Variants in EPM2A observed in about 807,000 individuals in gnomAD.
EPM2A encodes the protein laforin.
Under a neutral mutation model 26.5 loss-of-function variants are expected in EPM2A, and 21 were observed. That is an observed-to-expected ratio of 0.79 (90% CI 0.56 to 1.14). EPM2A has a LOEUF of 1.14. Among genes scored for constraint, EPM2A ranks in the 50% most tolerant of loss-of-function variants. The probability of loss-of-function intolerance (pLI) is 0.00; values close to 1 mark genes in which losing one functional copy is unlikely to be tolerated. For synonymous variants in EPM2A, 217 were observed against 177.6 expected (o/e 1.22, Z -1.76); for missense variants, 458 against 440.8 (o/e 1.04, Z -0.35).
intron 4 of EPM2A, among the ~76,000 whole-genome samples, chr6:145,444,353 T>C (rs1779104861): frequency 6.6e-6 from 1 of 152,252 alleles, no homozygotes; most frequent in Non-Finnish European, 1.5e-5. Context: ...ATTGAGATAA[T>C]CAGGTGGTTT....
intron 2 of EPM2A, among the ~76,000 whole-genome samples, chr6:145,656,664 T>A (rs1321074276): frequency 6.6e-6 from 1 of 152,212 alleles, no homozygotes. Flanking sequence ...GATGACATGA[T>A]GTCAACATCA....
At chr6:145,677,350 G>A (rs955464649) in intron 2 of EPM2A, among the ~76,000 whole-genome samples, 1 of 152,156 alleles carries the variant, frequency 6.6e-6, no homozygotes, top group African/African-American at 2.4e-5. Context: ...AAAATTGGAA[G>A]CATTCCTTTT....
intron 2 of EPM2A, chr6:145,639,516 C>T (rs1158687114): frequency 6.6e-6 from 1 of 152,104 alleles, no homozygotes; most frequent in Admixed American, 6.5e-5. Context: ...CCAGAACCAC[C>T]ACCTTGGACC....
chr6:145,625,689 G>C lies in EPM2A; in HGVS notation c.*1727C>G. 1.3e-6 allele frequency: 1 copy of C among 775,972 alleles called. No homozygotes were observed. The highest frequency in any genetic ancestry group is 2.4e-6 in the Non-Finnish European group (1 of 421,148). 48.1% of individuals were successfully genotyped at this position (775,972 alleles called of 1,614,324 possible). ...AATGCTAGCTTATAAATTTAACTTT[G>C]TAAAATTATAGTGGAAATGTGTCCT... On this transcript the variant is annotated 3_prime_UTR_variant, in exon 4 of 4. Coordinates refer to ENST00000367519, the MANE Select transcript of EPM2A (RefSeq NM_005670.4).
chr6:145,497,526 GGATCCACTTAAGGAAGTGAT>G (rs1779837023), downstream of EPM2A, among the ~76,000 whole-genome samples: 1 of 151,976 alleles, frequency 6.6e-6, no homozygotes, highest in African/African-American at 2.4e-5. Context: ...ATGGGATCAG[GGATCCACTTAAGGAAGTGAT>G]CTAGCCATGC....
In EPM2A at chr6:145,404,629, C is replaced by A. The variant is rs180699098; in HGVS notation, c.556-20532G>T. 2.6e-5 allele frequency among the ~76,000 whole-genome samples: 4 copies of A among 152,208 alleles called. No homozygotes were observed. The East Asian group carries it at 7.7e-4, about 29-fold the overall frequency. Reference sequence around the variant, plus strand: ...CTTCAGTAAATTTCTTTTAAATTAACACCAAAGCTTCCTATTTTCTGATTC... The same window carrying A: ...CTTCAGTAAATTTCTTTTAAATTAAAACCAAAGCTTCCTATTTTCTGATTC... On this transcript the variant is annotated intron_variant, in intron 4 of 4. Transcript: ENST00000638717.
At chr6:145,663,457 G>A (rs1343862370) in intron 2 of EPM2A, among the ~76,000 whole-genome samples, 4 of 152,222 alleles carry the variant, frequency 2.6e-5, no homozygotes, top group Non-Finnish European at 4.4e-5. Context: ...GAAGCGCAAG[G>A]GGTCAGGGAG....
In EPM2A at chr6:145,428,442, G is replaced by A. The variant is rs372791940; in HGVS notation, c.556-44345C>T. 5.3e-5 allele frequency among the ~76,000 whole-genome samples: 8 copies of A among 152,190 alleles called. No homozygotes were observed. In the East Asian group the frequency reaches 7.7e-4, roughly 15 times the overall value. Reference sequence around the variant, plus strand: ...GCTGAACCACTCCTTCCCAACGAGCGGTTAATCTATTGTTTTGAACAGCAT... The same window carrying A: ...GCTGAACCACTCCTTCCCAACGAGCAGTTAATCTATTGTTTTGAACAGCAT... On this transcript the variant is annotated intron_variant, in intron 4 of 4. Coordinates refer to the EPM2A transcript ENST00000638717.
At chr6:145,568,984 G>A (rs1303679898) in intron 2 of EPM2A, among the ~76,000 whole-genome samples, 3 of 152,148 alleles carry the variant, frequency 2.0e-5, no homozygotes, top group African/African-American at 7.2e-5. Flanking sequence ...CCAACACAAT[G>A]GAATTGAAAG....
intron 2 of EPM2A, among the ~76,000 whole-genome samples, chr6:145,605,525 C>T (rs55814547): frequency 0.067 from 10,195 of 152,072 alleles, 1,149 homozygotes; most frequent in African/African-American, 0.23. Context: ...GACATTCAAT[C>T]GCAGGAAAAT....
chr6:145,461,256 T>C (rs1779326196), intron 4 of EPM2A, among the ~76,000 whole-genome samples: 1 of 152,182 alleles, frequency 6.6e-6, no homozygotes, highest in Admixed American at 6.6e-5. Context: ...GAAGCCTTAG[T>C]CACTTGAACT....
chr6:145,719,646 C>T (rs1439809044), intron 1 of EPM2A, among the ~76,000 whole-genome samples: 1 of 151,868 alleles, frequency 6.6e-6, no homozygotes, highest in South Asian at 2.1e-4. Context: ...TAAATAAAAA[C>T]ATTGCATATA....
chr6:145,509,679 G>T (rs1403871927), intron 2 of EPM2A, among the ~76,000 whole-genome samples: 3 of 152,082 alleles, frequency 2.0e-5, no homozygotes, highest in Non-Finnish European at 1.5e-5. Flanking sequence ...ACATAATCAA[G>T]ACTACAAATC....
At chr6:145,453,733 G>C (rs1448665665) in intron 4 of EPM2A, among the ~76,000 whole-genome samples, 1 of 152,070 alleles carries the variant, frequency 6.6e-6, no homozygotes, top group Non-Finnish European at 1.5e-5. Context: ...TTAGCATATG[G>C]CTTCATAATT....
intron 1 of EPM2A, among the ~76,000 whole-genome samples, chr6:145,726,535 T>A (rs1472553286): frequency 1.3e-5 from 2 of 152,052 alleles, no homozygotes; most frequent in Non-Finnish European, 2.9e-5. Flanking sequence ...CAAATATGAC[T>A]TCAACTACAT....
At chr6:145,492,153 G>A in intron 4 of EPM2A, 1 of 207,950 alleles carries the variant, frequency 4.8e-6, no homozygotes, top group Non-Finnish European at 9.6e-6. Context: ...ATTTTCCCTG[G>A]CCTTTTTGCA....
chr6:145,689,681 C>T (rs1436535884), intron 1 of EPM2A, among the ~76,000 whole-genome samples: 1 of 152,240 alleles, frequency 6.6e-6, no homozygotes, highest in Non-Finnish European at 1.5e-5. Flanking sequence ...TCCAGTCAAA[C>T]CCACTGAAAA....
At position 145,663,602 on chromosome 6, in the gene EPM2A, C is replaced by G. The variant is rs189341604; in HGVS notation, c.476+22520G>C. Among the ~76,000 whole-genome samples the G allele has an allele frequency of 6.8e-3, 1,029 of 151,670 alleles. 47 individuals are homozygous for G. Among genetic ancestry groups the G allele is most frequent in the Admixed American group, 0.062 (945 of 15,196 alleles). ...TGGAAAACACTCTGCAGGATATTAT[C>G]CAGGAGAACTTCCCCAATCTAGCAA... On this transcript the variant is annotated intron_variant, in intron 2 of 3. Transcript: ENST00000367519.
At chr6:145,588,971 G>A (rs991884343) in intron 2 of EPM2A, among the ~76,000 whole-genome samples, 15 of 152,132 alleles carry the variant, frequency 9.9e-5, no homozygotes, top group Non-Finnish European at 1.5e-4. Context: ...CATGGCACAA[G>A]CAAGAGAAGC....
Sources: gnomAD v4.1 joint callset for allele counts (sites outside exome capture counted in the v4.1 genomes callset) on GRCh38, gnomAD v4.1.1 for gene constraint, MANE v1.5 for transcripts, NCBI Gene and HGNC (gene_info 2026-07-23, HGNC 2026-07-21) for gene names.